Variants in UNC79 observed in about 807,000 individuals in gnomAD.
The protein encoded by UNC79 is unc-79 subunit of NALCN channel complex, also known as protein unc-79 homolog.
In UNC79, 37 loss-of-function variants were observed where a neutral mutation model predicts 283.1. The ratio of observed to expected loss-of-function variants is 0.13; its 90% CI spans 0.10 to 0.17. The LOEUF (loss-of-function observed/expected upper bound fraction) is 0.17. Among genes scored for constraint, UNC79 ranks in the 10% least tolerant of loss-of-function variants. The probability of loss-of-function intolerance (pLI) is 1.00; values close to 1 mark genes in which losing one functional copy is unlikely to be tolerated. For missense variants in UNC79, 2,272 were observed against 3,211.1 expected, an observed-to-expected ratio of 0.71 and a Z score of 7.07; for synonymous variants, 1,107 against 1,200.2, an observed-to-expected ratio of 0.92 and a Z score of 1.61.
intron 2 of UNC79, among the ~76,000 whole-genome samples, chr14:93,471,914 T>C (rs2057531064): frequency 1.3e-5 from 2 of 152,136 alleles, no homozygotes; most frequent in Admixed American, 1.3e-4. Flanking sequence ...GTCTCCAAAG[T>C]ATTTGTTAAC....
intron 1 of UNC79, among the ~76,000 whole-genome samples, chr14:93,462,466 C>T (rs1319651716): frequency 6.6e-6 from 1 of 152,180 alleles, no homozygotes; most frequent in Non-Finnish European, 1.5e-5. Context: ...GCAGTGGTTA[C>T]TGTTTATGAC....
chr14:93,685,350 C>T (rs1204273878), intron 42 of UNC79, among the ~76,000 whole-genome samples: 3 of 152,072 alleles, frequency 2.0e-5, no homozygotes, highest in East Asian at 1.9e-4. Context: ...TGGAATAAAT[C>T]GCGGGGAAAT....
chr14:93,356,958 A>C (rs1008365393), intron 1 of UNC79, among the ~76,000 whole-genome samples: 2 of 152,186 alleles, frequency 1.3e-5, no homozygotes, highest in African/African-American at 4.8e-5. Flanking sequence ...TTTGTCACCC[A>C]GGTAATAAGC....
At chr14:93,436,880 T>C (rs879468418) in intron 1 of UNC79, among the ~76,000 whole-genome samples, 3 of 152,158 alleles carry the variant, frequency 2.0e-5, no homozygotes, top group African/African-American at 4.8e-5. Context: ...CTTCTGGACT[T>C]TTCAAGACCA....
At chr14:93,517,388 G>A (rs192799683) in intron 7 of UNC79, among the ~76,000 whole-genome samples, 174 of 133,720 alleles carry the variant, frequency 1.3e-3, no homozygotes, top group African/African-American at 4.5e-3. Context: ...GAGAGTGGAC[G>A]TCCTTGTTCT....
intron 1 of UNC79, among the ~76,000 whole-genome samples, chr14:93,375,179 T>C (rs767572207): frequency 1.6e-4 from 25 of 152,086 alleles, no homozygotes; most frequent in Non-Finnish European, 3.5e-4. Context: ...GTCCAGGAGT[T>C]AAATACCAGC....
intron 1 of UNC79, among the ~76,000 whole-genome samples, chr14:93,467,085 A>G (rs2057222312): frequency 1.3e-5 from 2 of 152,042 alleles, no homozygotes; most frequent in African/African-American, 4.8e-5. Context: ...AACACTCATC[A>G]TGTTAATCTA....
At chr14:93,701,755 T>A (rs2075546954) in intron 47 of UNC79, among the ~76,000 whole-genome samples, 2 of 152,160 alleles carry the variant, frequency 1.3e-5, no homozygotes, top group Non-Finnish European at 2.9e-5. Context: ...CTGGATACAT[T>A]TAGTCACGTG....
chr14:93,668,059 T>A (rs2072409475), intron 40 of UNC79, among the ~76,000 whole-genome samples: 1 of 152,172 alleles, frequency 6.6e-6, no homozygotes, highest in Admixed American at 6.5e-5. Flanking sequence ...TATTTAATGG[T>A]GAAATGCTAA....
chr14:93,397,909 C>T (rs772596604), intron 1 of UNC79, among the ~76,000 whole-genome samples: 3 of 151,942 alleles, frequency 2.0e-5, no homozygotes, highest in Non-Finnish European at 4.4e-5. Flanking sequence ...TTTAAAAAAC[C>T]CACAAAATTT....
chr14:93,374,441 T>C (rs902108558), intron 1 of UNC79, among the ~76,000 whole-genome samples: 2 of 152,232 alleles, frequency 1.3e-5, no homozygotes, highest in African/African-American at 4.8e-5. Flanking sequence ...TCCGACTTGC[T>C]TGGGGCCTGA....
intron 1 of UNC79, among the ~76,000 whole-genome samples, chr14:93,459,674 C>CTTTT (rs34182907): frequency 4.4e-5 from 4 of 90,684 alleles, no homozygotes; most frequent in Non-Finnish European, 8.5e-5. Flanking sequence ...GTTTATTCAA[C>CTTTT]TTTTTTTTTT....
intron 1 of UNC79, among the ~76,000 whole-genome samples, chr14:93,358,725 T>A (rs945832464): frequency 6.6e-6 from 1 of 152,198 alleles, no homozygotes; most frequent in Admixed American, 6.5e-5. Context: ...CCCTCCCTGA[T>A]CCATGCTGCC....
rs2062466608 is a variant in UNC79, at chr14:93,560,344, T to A, written c.1756-11550T>A. Among the ~76,000 whole-genome samples the A allele has an allele frequency of 2.0e-5, 3 of 152,234 alleles. No homozygotes were observed. In the South Asian group the frequency reaches 6.2e-4, roughly 32 times the overall value. On this transcript the variant is annotated intron_variant, in intron 14 of 48. Transcript: ENST00000555664. ...AAACAACAATCTTCATTTAAAAATA[T>A]ACAGAGTCCTCCTTTTTCAGCAGTG...
chr14:93,586,128 G>A (rs1476933893), intron 20 of UNC79, among the ~76,000 whole-genome samples: 3 of 152,108 alleles, frequency 2.0e-5, no homozygotes, highest in Admixed American at 1.3e-4. Flanking sequence ...TGATCTACCC[G>A]CCTTGGCCTC....
chr14:93,632,951 C>T (rs1424974649), intron 31 of UNC79, among the ~76,000 whole-genome samples: 2 of 151,904 alleles, frequency 1.3e-5, no homozygotes, highest in Non-Finnish European at 1.5e-5. Flanking sequence ...AGGTATCATG[C>T]CTGGTACCTT....
intron 7 of UNC79, 48 bp downstream of exon 7, chr14:93,497,334 C>T: frequency 1.3e-6 from 2 of 1,583,918 alleles, no homozygotes; most frequent in Non-Finnish European, 1.7e-6. Context: ...TTCTCCTGTG[C>T]CACACTGGCC....
At chr14:93,365,035 C>T (rs1008890774) in intron 1 of UNC79, among the ~76,000 whole-genome samples, 2 of 151,904 alleles carry the variant, frequency 1.3e-5, no homozygotes, top group Non-Finnish European at 2.9e-5. Context: ...GAGTTTGAGA[C>T]CAGCTTGGGC....
At chr14:93,532,368 C>T (rs529260741) in intron 10 of UNC79, among the ~76,000 whole-genome samples, 182 bp from the exon 11 acceptor site, 6 of 151,404 alleles carry the variant, frequency 4.0e-5, no homozygotes, top group African/African-American at 7.3e-5. Context: ...GCTTAGAAGG[C>T]GAGTCAGGAG....
Sources: gnomAD v4.1 joint callset for allele counts (sites outside exome capture counted in the v4.1 genomes callset) on GRCh38, gnomAD v4.1.1 for gene constraint, MANE v1.5 for transcripts, NCBI Gene and HGNC (gene_info 2026-07-23, HGNC 2026-07-21) for gene names.